Variants in MON2 observed in about 807,000 individuals in gnomAD.
MON2 encodes the protein MON2 regulator of endosome-to-Golgi trafficking.
Under a neutral mutation model 208.6 loss-of-function variants are expected in MON2, and 84 were observed. The ratio of observed to expected loss-of-function variants is 0.40; its 90% confidence interval spans 0.34 to 0.48. The LOEUF (loss-of-function observed/expected upper bound fraction) is 0.48, where lower values mean the gene tolerates loss of function less well. MON2 is among the 20% of genes least tolerant of loss of function. The pLI is 0.59. For missense variants in MON2, 1,611 were observed against 2,015.4 expected, an observed-to-expected ratio of 0.80 and a Z score of 3.84; for synonymous variants, 660 against 694.0, an observed-to-expected ratio of 0.95 and a Z score of 0.77.
chr12:62,554,177 T>G (rs2073868219), intron 24 of MON2, among the ~76,000 whole-genome samples: 2 of 152,246 alleles, frequency 1.3e-5, no homozygotes. Flanking sequence ...ATTTTTTATC[T>G]TCTTGCTGCC....
intron 30 of MON2, among the ~76,000 whole-genome samples, chr12:62,572,416 C>T (rs2074626956): frequency 6.6e-6 from 1 of 152,190 alleles, no homozygotes; most frequent in Non-Finnish European, 1.5e-5. Flanking sequence ...TTTAATCCTT[C>T]TAGCACAAGT....
intron 1 of MON2, among the ~76,000 whole-genome samples, chr12:62,479,770 A>G (rs2069300845): frequency 6.6e-6 from 1 of 152,086 alleles, no homozygotes; most frequent in South Asian, 2.1e-4. Flanking sequence ...AACTTTTTTC[A>G]TCTTCTTTTC....
intron 2 of MON2, among the ~76,000 whole-genome samples, chr12:62,486,988 G>T (rs1054038743): frequency 1.3e-5 from 2 of 152,022 alleles, no homozygotes; most frequent in African/African-American, 4.8e-5. Flanking sequence ...TTTTCCAAGG[G>T]AATATTATTT....
At chr12:62,513,842 G>C (rs61919476) in intron 8 of MON2, among the ~76,000 whole-genome samples, 87,986 of 144,356 alleles carry the variant, frequency 0.61, 29,462 homozygotes, top group African/African-American at 0.68. Context: ...CCCAGCTACT[G>C]GGGAGGCTGA....
chr12:62,502,734 T>C (rs1344488820), intron 7 of MON2, among the ~76,000 whole-genome samples: 1 of 152,234 alleles, frequency 6.6e-6, no homozygotes, highest in Non-Finnish European at 1.5e-5. Flanking sequence ...AGTCAGTGAC[T>C]TGCACAGGGT....
intron 22 of MON2, 52 bp from the exon 23 acceptor site, chr12:62,549,616 A>G (rs532084621): frequency 4.4e-5 from 63 of 1,444,586 alleles, no homozygotes; most frequent in Non-Finnish European, 5.8e-5. Flanking sequence ...TGTCTCAAAA[A>G]TAAATAAATA....
rs980542118 is a variant in MON2 at position 62,599,948 on chromosome 12, A to G, written c.*7199A>G. 2 of 152,218 alleles carry G rather than the reference A, an allele frequency of 1.3e-5. No individual in the cohort carries two copies. Among genetic ancestry groups the G allele is most frequent in the African/African-American group, 2.4e-5 (1 of 41,460 alleles). The allele number at this position is 152,218 out of a possible 1,614,324, so 9.4% of individuals were successfully genotyped here. On this transcript the variant is annotated 3_prime_UTR_variant, in exon 35 of 35. Coordinates refer to ENST00000393630, the MANE Select transcript of MON2 (RefSeq NM_015026.3). ...TATTGGTCCAGGTTTAAAACATTTT[A>G]TCTATTTAAAACATATGTTGTGTGT...
intron 13 of MON2, 35 bp from the exon 14 acceptor site, chr12:62,535,488 TAA>T (rs1158920883): frequency 1.4e-6 from 2 of 1,432,486 alleles, no homozygotes; most frequent in African/African-American, 1.4e-5. Context: ...TAATTAAAAA[TAA>T]GTTAATCAGA....
chr12:62,562,515 G>A (rs1294759077), intron 26 of MON2, among the ~76,000 whole-genome samples: 1 of 151,944 alleles, frequency 6.6e-6, no homozygotes, highest in East Asian at 1.9e-4. Context: ...CCATTGTTGT[G>A]TTGTATGATT....
chr12:62,476,209 G>T (rs2069069661), intron 1 of MON2, among the ~76,000 whole-genome samples: 1 of 152,118 alleles, frequency 6.6e-6, no homozygotes, highest in Non-Finnish European at 1.5e-5. Context: ...TAGAATAATT[G>T]AATGTTACAG....
At chr12:62,511,831 C>T (rs561525095) in intron 8 of MON2, among the ~76,000 whole-genome samples, 2 of 152,250 alleles carry the variant, frequency 1.3e-5, no homozygotes, top group East Asian at 3.9e-4. Context: ...TTAGTTTTTA[C>T]ACTGCTGATA....
chr12:62,558,270 G>A (rs1369372805), intron 25 of MON2, among the ~76,000 whole-genome samples: 2 of 151,808 alleles, frequency 1.3e-5, no homozygotes, highest in Non-Finnish European at 2.9e-5. Flanking sequence ...GAGCCATCAC[G>A]CCCAGCCTAG....
In MON2 at chr12:62,537,676, A is replaced by G. The variant is rs1775618519; in HGVS notation, c.2088A>G (p.Thr696=). 6.8e-6 allele frequency: 11 copies of G among 1,612,988 alleles called. No individual in the cohort carries two copies. Among genetic ancestry groups the G allele is most frequent in the Middle Eastern group, 1.6e-4 (1 of 6,080 alleles). The change falls in exon 16 of 35, where the codon ACA becomes ACG. Residue 696 remains threonine, a synonymous_variant. Coordinates refer to ENST00000393630, the MANE Select transcript of MON2 (RefSeq NM_015026.3). ...LAHCHGAVLG[T]SWQLVLATLQ... is the part of the protein sequence containing the mutation. The stretch of plus-strand genomic sequence containing the variant: ...ATTGCCATGGGGCTGTTCTTGGAAC[A>G]TCATGGCAACTTGTCTTGGCAACTC...
chr12:62,467,733 A>G (rs574362624), intron 1 of MON2, among the ~76,000 whole-genome samples: 3 of 152,316 alleles, frequency 2.0e-5, no homozygotes, highest in Non-Finnish European at 2.9e-5. Flanking sequence ...ATTGGAAACA[A>G]TTTTCCTTCT....
chr12:62,534,543 ATAT>A (rs1321527112), intron 12 of MON2, among the ~76,000 whole-genome samples: 13 of 21,912 alleles, frequency 5.9e-4, no homozygotes, highest in Non-Finnish European at 1.1e-3. Flanking sequence ...AAAAAAAAAA[ATAT>A]ATATATATAT....
At position 62,509,762 on chromosome 12, in the gene MON2, T is replaced by G. The variant is rs1219176704; in HGVS notation, c.984+1282T>G. Among the ~76,000 whole-genome samples the G allele has an allele frequency of 6.6e-5, 10 of 151,882 alleles. 1 individual carries two copies. The highest frequency in any genetic ancestry group is 6.6e-4 in the Admixed American group (10 of 15,244). On this transcript the variant is annotated intron_variant, in intron 8 of 34. Coordinates refer to ENST00000393630, the MANE Select transcript of MON2 (RefSeq NM_015026.3). ...GAAGGAAAATGAGAAGAGTCTCAAA[T>G]GTATGGAAATTAAACAACATACTAG...
chr12:62,563,219 C>G (rs1221023414), intron 26 of MON2, among the ~76,000 whole-genome samples: 1 of 152,172 alleles, frequency 6.6e-6, no homozygotes, highest in Admixed American at 6.6e-5. Flanking sequence ...CTTCAGCCTC[C>G]TCATCTATAA....
At chr12:62,470,187 G>A (rs1033428406) in intron 1 of MON2, among the ~76,000 whole-genome samples, 4 of 152,120 alleles carry the variant, frequency 2.6e-5, no homozygotes, top group Middle Eastern at 3.4e-3. Context: ...GATTATAGGC[G>A]TATCCCAGGC....
intron 25 of MON2, among the ~76,000 whole-genome samples, chr12:62,557,510 A>G (rs1337803710): frequency 6.6e-6 from 1 of 152,228 alleles, no homozygotes; most frequent in East Asian, 1.9e-4. Context: ...TGCCGATTAT[A>G]CTACTTTCAA....
Sources: gnomAD v4.1 joint callset for allele counts (sites outside exome capture counted in the v4.1 genomes callset) on GRCh38, gnomAD v4.1.1 for gene constraint, MANE v1.5 for transcripts, NCBI Gene and HGNC (gene_info 2026-07-23, HGNC 2026-07-21) for gene names.